The following EDEM2 variants were observed in gnomAD, a reference collection of about 807,000 sequenced individuals.
The protein encoded by EDEM2 is ER degradation-enhancing alpha-mannosidase-like protein 2.
In EDEM2, 39 loss-of-function variants were observed where a neutral mutation model predicts 64.8. The observed-to-expected ratio is 0.60, with a 90% CI of 0.47 to 0.79. The LOEUF is 0.79. Ranked by LOEUF, EDEM2 falls within the 30% of genes least tolerant of loss-of-function variation. The probability of loss-of-function intolerance (pLI) is 0.00; values close to 1 mark genes in which losing one functional copy is unlikely to be tolerated. For synonymous variants in EDEM2, 296 were observed against 291.5 expected (o/e 1.02, Z -0.16); for missense variants, 609 against 731.3 (o/e 0.83, Z 1.93).
intron 5 of EDEM2, among the ~76,000 whole-genome samples, chr20:35,136,753 T>TG (rs1217695516): frequency 5.9e-5 from 4 of 67,416 alleles, no homozygotes; most frequent in East Asian, 6.0e-4. Context: ...AGACCCTGTC[T>TG]GAAAAAAAAA....
Position 35,146,942 on chromosome 20 carries a change from G to A in EDEM2, c.108-7C>T. On this transcript the variant is annotated splice_region_variant and splice_polypyrimidine_tract_variant and intron_variant, in intron 1 of 10. Transcript: ENST00000374492. ...CATGGCCTTGACTCGCTCCCTGGGT[G>A]GGGGACGAGAAATCAGGCATGGGGC... is the stretch of plus-strand genomic sequence containing the variant. 1 of 1,611,856 alleles carries A rather than the reference G, an allele frequency of 6.2e-7. No homozygotes were observed. The highest frequency in any genetic ancestry group is 1.3e-5 in the African/African-American group (1 of 74,956).
chr20:35,139,595 A>G (rs947268339), intron 4 of EDEM2, among the ~76,000 whole-genome samples: 1 of 151,294 alleles, frequency 6.6e-6, no homozygotes, highest in Non-Finnish European at 1.5e-5. Flanking sequence ...GGTTGCAGTG[A>G]GCTGAGATCA....
chr20:35,130,695 T>C (rs115474067), intron 7 of EDEM2, among the ~76,000 whole-genome samples: 2,000 of 152,294 alleles, frequency 0.013, 37 homozygotes, highest in African/African-American at 0.043. Flanking sequence ...ATTTTCAGAC[T>C]GCAGTTGACC....
At position 35,138,666 on chromosome 20, in the gene EDEM2, G is replaced by A. The variant is rs190161618; in HGVS notation, c.365-661C>T. 1.5e-3 allele frequency among the ~76,000 whole-genome samples: 219 copies of A among 149,252 alleles called. 1 individual carries two copies. The highest frequency in any genetic ancestry group is 5.1e-3 in the African/African-American group (208 of 40,456). ...GCGATTTCGGCTCACTGCAAGCTCC[G>A]CCTCCCAGGTTCACGCCGTTCTCCT... On this transcript the variant is annotated intron_variant, in intron 4 of 10. Transcript: ENST00000374492.
At chr20:35,138,407 C>A (rs1402115377) in intron 4 of EDEM2, among the ~76,000 whole-genome samples, 1 of 151,992 alleles carries the variant, frequency 6.6e-6, no homozygotes, top group East Asian at 1.9e-4. Context: ...CCCAGGTCAC[C>A]CATCTAGTAG....
chr20:35,134,442 G>A (rs370026262), intron 6 of EDEM2, among the ~76,000 whole-genome samples: 2 of 152,116 alleles, frequency 1.3e-5, no homozygotes, highest in Non-Finnish European at 2.9e-5. Flanking sequence ...ATCTGAAGCC[G>A]TCAAGTGAGT....
rs780293459 is a variant in EDEM2 at position 35,115,790 on chromosome 20, G to A, written c.1380C>T (p.Pro460=). 9.9e-6 allele frequency: 16 copies of A among 1,614,052 alleles called. No homozygotes were observed. Among genetic ancestry groups the A allele is most frequent in the African/African-American group, 2.7e-5 (2 of 74,914 alleles). The change falls in exon 11 of 11, where the codon CCC becomes CCT. Residue 460 remains proline, a synonymous_variant. Transcript: ENST00000374492. ...CAGCCCCCAGGATGCACTCCCCATAGGGGGTGATCACCGCGTCGAAGGTGG... is the reference window on the plus strand; with the variant it reads ...CAGCCCCCAGGATGCACTCCCCATAAGGGGTGATCACCGCGTCGAAGGTGG... ...NGSTFDAVIT[P]YGECILGAGG...
chr20:35,146,728 G>A, intron 2 of EDEM2, 97 bp downstream of exon 2: 2 of 1,327,362 alleles, frequency 1.5e-6, no homozygotes, highest in East Asian at 5.0e-5. Context: ...TTCTGGTGCC[G>A]GTGAGGAGAC....
chr20:35,147,165 G>C lies in EDEM2; in HGVS notation c.94C>G (p.Pro32Ala). 2 of 1,602,248 alleles carry C rather than the reference G, an allele frequency of 1.2e-6. No individual in the cohort carries two copies. Among genetic ancestry groups the C allele is most frequent in the Non-Finnish European group, 1.7e-6 (2 of 1,173,114 alleles). The change falls in exon 1 of 11, where the codon CCC (proline) becomes GCC (alanine). Residue 32 changes from proline to alanine, a missense_variant. Physicochemically the swap from Pro to Ala is conservative, Grantham distance 27. Coordinates refer to ENST00000374492, the MANE Select transcript of EDEM2 (RefSeq NM_018217.3). ...GTCACAGTTCACCTGTAGTGGGCGGGATCTGGCGCGGAGCCGTCGGGACCT... is the reference window on the plus strand; with the variant it reads ...GTCACAGTTCACCTGTAGTGGGCGGCATCTGGCGCGGAGCCGTCGGGACCT... ...APGPDGSAPD[P>A]AHYRERVKAM...
At chr20:35,122,221 A>G (rs990919661) in intron 9 of EDEM2, among the ~76,000 whole-genome samples, 2 of 152,208 alleles carry the variant, frequency 1.3e-5, no homozygotes, top group Non-Finnish European at 2.9e-5. Flanking sequence ...TGACAGGGCC[A>G]TATTAGGAAA....
intron 3 of EDEM2, among the ~76,000 whole-genome samples, chr20:35,144,427 G>A (rs1216619353): frequency 2.6e-5 from 4 of 152,052 alleles, no homozygotes; most frequent in African/African-American, 2.4e-5. Context: ...TCCGCCTCCC[G>A]GGTTCAGGCA....
At chr20:35,122,340 C>T (rs767754280) in intron 9 of EDEM2, among the ~76,000 whole-genome samples, 15 of 152,226 alleles carry the variant, frequency 9.9e-5, no homozygotes, top group South Asian at 6.2e-4. Flanking sequence ...ACACCAGATA[C>T]GATACCTTCT....
chr20:35,123,743 T>C, intron 9 of EDEM2, 147 bp downstream of exon 9: 14 of 1,029,830 alleles, frequency 1.4e-5, no homozygotes, highest in Non-Finnish European at 1.9e-5. Flanking sequence ...TAACTCCTAG[T>C]AAGAAAACCA....
chr20:35,118,522 A>T, intron 10 of EDEM2, 76 bp downstream of exon 10: 1 of 1,604,008 alleles, frequency 6.2e-7, no homozygotes, highest in African/African-American at 1.3e-5. Context: ...AGAACTCCCA[A>T]AGCTCTACCC....
intron 6 of EDEM2, 50 bp downstream of exon 6, chr20:35,134,688 C>T (rs750704251): frequency 6.2e-7 from 1 of 1,602,048 alleles, no homozygotes; most frequent in East Asian, 2.2e-5. Flanking sequence ...GCTCAGAGCC[C>T]TGGGCCTCGT....
intron 4 of EDEM2, among the ~76,000 whole-genome samples, 166 bp from the exon 5 acceptor site, chr20:35,138,171 C>G (rs957824330): frequency 1.3e-5 from 2 of 152,216 alleles, no homozygotes; most frequent in Non-Finnish European, 2.9e-5. Context: ...AAAAACCTCA[C>G]TCTGTTGGGG....
intron 8 of EDEM2, among the ~76,000 whole-genome samples, chr20:35,125,250 C>T (rs1377793372): frequency 6.7e-6 from 1 of 150,160 alleles, no homozygotes; most frequent in Non-Finnish European, 1.5e-5. Context: ...ACCCAGGCTG[C>T]AATGGCATGA....
At chr20:35,116,206 A>G (rs1933302908) in intron 10 of EDEM2, among the ~76,000 whole-genome samples, 1 of 152,178 alleles carries the variant, frequency 6.6e-6, no homozygotes, top group Non-Finnish European at 1.5e-5. Context: ...GTCTCACACC[A>G]TGTTGCCCAG....
chr20:35,142,555 G>A, intron 3 of EDEM2, 77 bp from the exon 4 acceptor site: 2 of 1,091,882 alleles, frequency 1.8e-6, no homozygotes, highest in Non-Finnish European at 2.7e-6. Context: ...ATCCTATGTT[G>A]ATGTGGCCCT....
Sources: gnomAD v4.1 joint callset for allele counts (sites outside exome capture counted in the v4.1 genomes callset) on GRCh38, gnomAD v4.1.1 for gene constraint, MANE v1.5 for transcripts, NCBI Gene and HGNC (gene_info 2026-07-23, HGNC 2026-07-21) for gene names.